SMG9: variants seen among roughly 807,000 people sequenced by gnomAD.
SMG9 encodes the protein nonsense-mediated mRNA decay factor SMG9.
Under a neutral mutation model 64.0 loss-of-function variants are expected in SMG9, and 55 were observed. The observed-to-expected ratio is 0.86, with a 90% CI of 0.69 to 1.08. The LOEUF (loss-of-function observed/expected upper bound fraction) is 1.08, where lower values mean the gene tolerates loss of function less well. Among genes scored for constraint, SMG9 ranks in the 50% least tolerant of loss-of-function variants. SMG9 has a pLI of 0.00. For missense variants in SMG9, 554 were observed against 681.3 expected, an observed-to-expected ratio of 0.81 and a Z score of 2.08; for synonymous variants, 244 against 254.8, an observed-to-expected ratio of 0.96 and a Z score of 0.41.
Position 43,732,932 on chromosome 19 carries a change from C to G in SMG9, c.1410G>C (p.Val470=). Residue 470 remains valine, a synonymous_variant, in exon 13 of 14, where the codon GTG becomes GTC. Coordinates refer to ENST00000270066, the MANE Select transcript of SMG9 (RefSeq NM_019108.4). ...YRGHPSFQSL[V]SKLRSQVMSM... is the part of the protein sequence containing the mutation. Reference sequence around the variant, plus strand: ...ACATCACTTGGCTCCGGAGCTTGCTCACCAAGGACTGGAAACTGGGGTGGC... The same window carrying G: ...ACATCACTTGGCTCCGGAGCTTGCTGACCAAGGACTGGAAACTGGGGTGGC... 1 of 1,613,978 alleles carries G rather than the reference C, an allele frequency of 6.2e-7. No homozygotes were observed.
chr19:43,753,390 T>C (rs540548898), intron 1 of SMG9, among the ~76,000 whole-genome samples: 15 of 152,142 alleles, frequency 9.9e-5, no homozygotes, highest in Admixed American at 3.3e-4. Flanking sequence ...AGCCCTGAGG[T>C]TTCTGTTTAC....
At chr19:43,754,068 A>C (rs1396718912) in intron 1 of SMG9, among the ~76,000 whole-genome samples, 1 of 152,156 alleles carries the variant, frequency 6.6e-6, no homozygotes, top group Non-Finnish European at 1.5e-5. Flanking sequence ...AAAATTAACA[A>C]ATCGAATTTA....
chr19:43,747,929 G>A, intron 3 of SMG9, 32 bp from the exon 4 acceptor site: 1 of 1,614,100 alleles, frequency 6.2e-7, no homozygotes. Flanking sequence ...CATCAATGGG[G>A]GCAATCCCTT....
chr19:43,750,189 C>T (rs561974838), intron 2 of SMG9: 1 of 525,418 alleles, frequency 1.9e-6, no homozygotes, highest in African/African-American at 1.9e-5. Context: ...ATGATTTGGC[C>T]CCAGTTACTT....
In SMG9 at chr19:43,747,363, T is replaced by C. The variant is rs566472358; in HGVS notation, c.588+79A>G. 82 of 1,425,022 alleles carry C rather than the reference T, an allele frequency of 5.8e-5. 1 individual carries two copies. In the South Asian group the frequency reaches 8.8e-4, roughly 15 times the overall value. The allele number at this position is 1,425,022 out of a possible 1,614,324, so 88.3% of individuals were successfully genotyped here. On this transcript the variant is annotated intron_variant, in intron 5 of 13. Transcript: ENST00000270066. Reference sequence around the variant, plus strand: ...TAAGTTGCCTCAAAACCCTCCAGTCTGGTGTTGCCTACAGAGAGGTGGAAG... The same window carrying C: ...TAAGTTGCCTCAAAACCCTCCAGTCCGGTGTTGCCTACAGAGAGGTGGAAG...
rs376547599 is a variant in SMG9, at chr19:43,747,547, T to C, written c.491-8A>G. ...TGGCCTGACCCACGACAGCTGGAGA[T>C]TGGAGAAAGCAGGAGACAGAGGATG... is the stretch of plus-strand genomic sequence containing the variant. On this transcript the variant is annotated splice_polypyrimidine_tract_variant and splice_region_variant and intron_variant, in intron 4 of 13. Transcript: ENST00000270066. 3.1e-6 allele frequency: 5 copies of C among 1,613,944 alleles called. No homozygotes were observed. The African/African-American group carries it at 4.0e-5, about 13-fold the overall frequency.
At chr19:43,747,227 A>G (rs1969042324) in intron 5 of SMG9, among the ~76,000 whole-genome samples, 1 of 152,118 alleles carries the variant, frequency 6.6e-6, no homozygotes, top group African/African-American at 2.4e-5. Flanking sequence ...TTCTTTACCA[A>G]TCGGTACCAA....
At position 43,730,839 on chromosome 19, in the gene SMG9, A is replaced by G. The variant is rs1298543944; in HGVS notation, c.*757T>C. ...TGCCTCGGCCTCCCAAAGTGCTAGGATTATAGACGTGAGCCACCATGCCCA... is the reference window on the plus strand; with the variant it reads ...TGCCTCGGCCTCCCAAAGTGCTAGGGTTATAGACGTGAGCCACCATGCCCA... On this transcript the variant is annotated 3_prime_UTR_variant, in exon 14 of 14. Transcript: ENST00000270066. 1 of 152,504 alleles carries G rather than the reference A, an allele frequency of 6.6e-6. No homozygotes were observed. Among genetic ancestry groups the G allele is most frequent in the Non-Finnish European group, 1.5e-5 (1 of 68,332 alleles). The allele number at this position is 152,504 out of a possible 1,614,324, so 9.4% of individuals were successfully genotyped here.
chr19:43,736,115 C>T (rs1056234843), intron 9 of SMG9, among the ~76,000 whole-genome samples: 1 of 152,194 alleles, frequency 6.6e-6, no homozygotes, highest in African/African-American at 2.4e-5. Context: ...GTTGGCCAGA[C>T]CCTCAGCTCA....
Position 43,733,363 on chromosome 19 carries a change from T to C in SMG9, c.1300A>G (p.Met434Val), listed in dbSNP as rs1968547561. The change falls in exon 12 of 14, where the codon ATG (methionine) becomes GTG (valine). Residue 434 changes from methionine (M) to valine (V), a missense_variant. Physicochemically the swap from Met to Val is conservative, Grantham distance 21. Coordinates refer to ENST00000270066, the MANE Select transcript of SMG9 (RefSeq NM_019108.4). ...SEVNLFLVPF[M>V]DSEAESENPP... ...TTTTCACTCTCTGCTTCACTGTCCATGAAGGGTACCAGGAATAAGTTGACC... is the reference window on the plus strand; with the variant it reads ...TTTTCACTCTCTGCTTCACTGTCCACGAAGGGTACCAGGAATAAGTTGACC... The C allele has an allele frequency of 1.9e-6, 3 of 1,613,936 alleles. No individual in the cohort carries two copies. Among genetic ancestry groups the C allele is most frequent in the African/African-American group, 2.7e-5 (2 of 74,858 alleles).
chr19:43,734,386 C>T lies in SMG9; in HGVS notation c.1102+3G>A. On this transcript the variant is annotated splice_donor_region_variant and intron_variant, in intron 10 of 13. Coordinates refer to ENST00000270066, the MANE Select transcript of SMG9 (RefSeq NM_019108.4). Reference sequence around the variant, plus strand: ...CCCCTCCAGTCCCCAGAAAGCCTCTCACCTAGGTGGGGGTAGTACTCGGTG... The same window carrying T: ...CCCCTCCAGTCCCCAGAAAGCCTCTTACCTAGGTGGGGGTAGTACTCGGTG... 2 of 1,551,816 alleles carry T rather than the reference C, an allele frequency of 1.3e-6. No homozygotes were observed. The highest frequency in any genetic ancestry group is 8.7e-7 in the Non-Finnish European group (1 of 1,146,878).
At chr19:43,735,614 C>CAA (rs889721095) in intron 9 of SMG9, among the ~76,000 whole-genome samples, 6,032 of 50,852 alleles carry the variant, frequency 0.12, 618 homozygotes, top group African/African-American at 0.22. Context: ...GACTCTGTCT[C>CAA]AAAAAAAAAA....
Position 43,733,302 on chromosome 19 carries a change from AACCTGTTGAGGGTAACTGT to A in SMG9, c.1339+3_1339+21del. 6.2e-7 allele frequency: 1 copy of A among 1,612,558 alleles called. No homozygotes were observed. The highest frequency in any genetic ancestry group is 8.5e-7 in the Non-Finnish European group (1 of 1,179,318). ...TCAGGATAGGACTTGTCTCTCCATG[AACCTGTTGAGGGTAACTGT>A]ACCTGCTCTTGGTGGGTTTTCACTC... On this transcript the variant is annotated splice_donor_5th_base_variant and intron_variant, in intron 12 of 13. Coordinates refer to ENST00000270066, the MANE Select transcript of SMG9 (RefSeq NM_019108.4).
chr19:43,733,852 T>C (rs1458910982), intron 10 of SMG9, 119 bp from the exon 11 acceptor site: 5 of 695,758 alleles, frequency 7.2e-6, no homozygotes, highest in Non-Finnish European at 1.2e-5. Flanking sequence ...TAAATATTTA[T>C]ATAACTTCAC....
intron 12 of SMG9, 117 bp from the exon 13 acceptor site, chr19:43,733,119 T>G: frequency 7.4e-7 from 1 of 1,353,104 alleles, no homozygotes; most frequent in South Asian, 1.4e-5. Flanking sequence ...GAGCTCTTCC[T>G]GTACTTCTAT....
intron 5 of SMG9, 26 bp from the exon 6 acceptor site, chr19:43,744,910 TGAC>T: frequency 6.4e-7 from 1 of 1,573,596 alleles, no homozygotes; most frequent in East Asian, 2.3e-5. Context: ...TAAATGACTC[TGAC>T]AAGTCTGTCA....
intron 5 of SMG9, among the ~76,000 whole-genome samples, chr19:43,747,101 A>G (rs1969036829): frequency 6.6e-6 from 1 of 152,114 alleles, no homozygotes; most frequent in South Asian, 2.1e-4. Flanking sequence ...TACAGGCATG[A>G]GCCACCAGCA....
At position 43,744,707 on chromosome 19, in the gene SMG9, C is replaced by A. The variant is rs190695305; in HGVS notation, c.701+65G>T. The A allele has an allele frequency of 4.4e-5, 54 of 1,230,774 alleles. No homozygotes were observed. The African/African-American group carries it at 7.4e-4, about 17-fold the overall frequency. 76.2% of individuals were successfully genotyped at this position (1,230,774 alleles called of 1,614,324 possible). A position where few individuals can be genotyped will look rare whatever the true frequency, so the allele number is the denominator to read the frequency against. ...GTAACACCACTTGAAACACCCAAGCCCACCTTGCCCCTGCTCCCAGTGGGT... is the reference window on the plus strand; with the variant it reads ...GTAACACCACTTGAAACACCCAAGCACACCTTGCCCCTGCTCCCAGTGGGT... On this transcript the variant is annotated intron_variant, in intron 6 of 13. Coordinates refer to ENST00000270066, the MANE Select transcript of SMG9 (RefSeq NM_019108.4).
At chr19:43,735,541 G>C (rs1443189954) in intron 9 of SMG9, among the ~76,000 whole-genome samples, 1 of 150,334 alleles carries the variant, frequency 6.7e-6, no homozygotes, top group East Asian at 1.9e-4. Context: ...CTTGAACCTA[G>C]GAGGCGGAGG....
Sources: allele counts gnomAD v4.1 joint callset (sites outside exome capture counted in the v4.1 genomes callset), GRCh38; gene constraint gnomAD v4.1.1; transcripts MANE v1.5; gene names NCBI Gene and HGNC (gene_info 2026-07-23, HGNC 2026-07-21).